Variants in SMIM23 observed in about 807,000 individuals in gnomAD.
SMIM23 encodes the protein small integral membrane protein 23, also known as CTB-78H18.1.
Under a neutral mutation model 12.8 loss-of-function variants are expected in SMIM23, and 10 were observed. The observed-to-expected ratio is 0.78, with a 90% CI of 0.48 to 1.32. SMIM23 has a LOEUF of 1.32. Among genes scored for constraint, SMIM23 ranks in the 40% most tolerant of loss-of-function variants. The probability of loss-of-function intolerance (pLI) is 0.00; values close to 1 mark genes in which losing one functional copy is unlikely to be tolerated. For missense variants in SMIM23, 184 were observed against 198.2 expected (o/e 0.93, Z 0.43); for synonymous variants, 78 against 80.1 (o/e 0.97, Z 0.14).
chr5:171,785,401 GTT>G (rs113319310), upstream of SMIM23, among the ~76,000 whole-genome samples: 33 of 136,522 alleles, frequency 2.4e-4, no homozygotes, highest in African/African-American at 6.7e-4. Flanking sequence ...AGCTTTTATT[GTT>G]TTTTTTTTTT....
At chr5:171,777,230 CTAGAACAATAACAGCGGAATACT>C in the SMIM23 span, among the ~76,000 whole-genome samples, 1 of 152,200 alleles carries the variant, frequency 6.6e-6, no homozygotes, top group Admixed American at 6.5e-5. Context: ...CAGGAGGTGC[CTAGAACAATAACAGCGGAATACT>C]TGGCATGTTA....
At chr5:171,775,208 C>T in the SMIM23 span, among the ~76,000 whole-genome samples, 2 of 152,320 alleles carry the variant, frequency 1.3e-5, no homozygotes, top group African/African-American at 2.4e-5. Context: ...CTTCCCATCC[C>T]GTGGGCCCTT....
chr5:171,782,502 A>G (rs1251087101), upstream of SMIM23: 2 of 152,238 alleles, frequency 1.3e-5, no homozygotes, highest in African/African-American at 4.8e-5. Flanking sequence ...TAGATGAAAT[A>G]ACGTGTGGAA....
chr5:171,787,004 C>CTTT lies in SMIM23; in HGVS notation c.105+1058_105+1060dup, dbSNP rs202159150. Among the ~76,000 whole-genome samples, 136 of 71,264 alleles carry CTTT rather than the reference C, an allele frequency of 1.9e-3. 10 individuals are homozygous for CTTT. The highest frequency in any genetic ancestry group is 5.5e-3 in the African/African-American group (112 of 20,338). The allele number at this position is 71,264 out of a possible 152,430, so 46.8% of individuals were successfully genotyped here. A position where few individuals can be genotyped will look rare whatever the true frequency, so the allele number is the denominator to read the frequency against. On this transcript the variant is annotated intron_variant, in intron 1 of 3. Transcript: ENST00000523047. ...GATTCTACCAGAGTCCCATTGTTTC[C>CTTT]TTTTTTTTTTTTTTTTTTTTTTTTT... is the stretch of plus-strand genomic sequence containing the variant.
In SMIM23 at chr5:171,791,057, T is replaced by C. The variant is rs2113655587; in HGVS notation, c.488T>C (p.Leu163Pro). 3 of 1,521,860 alleles carry C rather than the reference T, an allele frequency of 2.0e-6. No individual in the cohort carries two copies. The highest frequency in any genetic ancestry group is 2.6e-6 in the Non-Finnish European group (3 of 1,140,106). The allele number at this position is 1,521,860 out of a possible 1,614,324, so 94.3% of individuals were successfully genotyped here. ...GAGCACAAAGGTGGGGAGGGGTTGC[T>C]AGAGATTTCTCTAAGCGGGGCAGAG... ...GREHKGGEGL[L>P]EISLSGAEL Residue 163 changes from leucine (L) to proline (P), a missense_variant, in exon 4 of 4, where the codon CTA (leucine) becomes CCA (proline). Coordinates refer to ENST00000523047, the MANE Select transcript of SMIM23 (RefSeq NM_001289970.2).
At chr5:171,782,912 G>A (rs1581071586), upstream of SMIM23, among the ~76,000 whole-genome samples, 4 of 152,276 alleles carry the variant, frequency 2.6e-5, no homozygotes, top group Admixed American at 2.0e-4. Context: ...CTAGTGTATA[G>A]CCGGCCTCCG....
Position 171,785,865 on chromosome 5 carries a change from T to C in SMIM23, c.-7T>C, listed in dbSNP as rs1376979216. The C allele has an allele frequency of 6.5e-7, 1 of 1,535,698 alleles. No homozygotes were observed. The highest frequency in any genetic ancestry group is 1.2e-5 in the South Asian group (1 of 84,046). ...TGTGGTCCACCCAGGCAGCCAGATC[T>C]GAGGCCATGGCAACCCAGCAAGTGG... On this transcript the variant is annotated 5_prime_UTR_variant, in exon 1 of 4. Coordinates refer to ENST00000523047, the MANE Select transcript of SMIM23 (RefSeq NM_001289970.2).
upstream of SMIM23, among the ~76,000 whole-genome samples, chr5:171,785,391 A>G (rs967444127): frequency 4.0e-5 from 6 of 151,270 alleles, no homozygotes; most frequent in Admixed American, 6.6e-5. Context: ...AATTAAAAAT[A>G]GCTTTTATTG....
chr5:171,790,941 G>T lies in SMIM23; in HGVS notation c.372G>T (p.Trp124Cys). ...AGCTAGCGTGGGACCTGGAACTGTG[G>T]CTGGATGCTCTTCTGGGAGAGCCAC... ...LEQLAWDLEL[W>C]LDALLGEPHQ... Residue 124 changes from tryptophan (W) to cysteine (C), a missense_variant, in exon 4 of 4, where the codon TGG becomes TGT. Transcript: ENST00000523047. 1 of 1,536,092 alleles carries T rather than the reference G, an allele frequency of 6.5e-7. No homozygotes were observed. Among genetic ancestry groups the T allele is most frequent in the Non-Finnish European group, 8.7e-7 (1 of 1,146,912 alleles).
the SMIM23 span, chr5:171,774,191 T>C: frequency 0.09 from 32,351 of 357,482 alleles, 1,702 homozygotes; most frequent in Non-Finnish European, 0.1. Context: ...CACCTGGTTG[T>C]TGCGATTGCT....
intron 1 of SMIM23, among the ~76,000 whole-genome samples, 163 bp downstream of exon 1, chr5:171,786,139 G>A (rs185340967): frequency 1.1e-4 from 17 of 152,292 alleles, no homozygotes; most frequent in African/African-American, 4.1e-4. Flanking sequence ...ACTTCTTGCC[G>A]GGGCCATCAC....
chr5:171,776,467 GC>G, the SMIM23 span, among the ~76,000 whole-genome samples: 1 of 152,112 alleles, frequency 6.6e-6, no homozygotes, highest in Admixed American at 6.5e-5. Flanking sequence ...CATTCTGTCT[GC>G]CAAAAACCCC....
At chr5:171,781,065 C>T (rs920549166), upstream of SMIM23, among the ~76,000 whole-genome samples, 3 of 152,148 alleles carry the variant, frequency 2.0e-5, no homozygotes, top group African/African-American at 7.2e-5. Flanking sequence ...TTGCACAATG[C>T]CCAGTACTTA....
upstream of SMIM23, among the ~76,000 whole-genome samples, chr5:171,777,991 T>A (rs573090528): frequency 6.6e-6 from 1 of 152,240 alleles, no homozygotes; most frequent in South Asian, 2.1e-4. Flanking sequence ...CACATCCTAA[T>A]CCCTTGAACC....
chr5:171,782,581 C>G (rs1361269873), upstream of SMIM23: 1 of 152,222 alleles, frequency 6.6e-6, no homozygotes, highest in East Asian at 1.9e-4. Flanking sequence ...CGATACCCTT[C>G]CCTAGCCACC....
At chr5:171,785,177 CAAAT>C (rs1755791530), upstream of SMIM23, among the ~76,000 whole-genome samples, 1 of 151,972 alleles carries the variant, frequency 6.6e-6, no homozygotes, top group Admixed American at 6.6e-5. Flanking sequence ...CACACACACA[CAAAT>C]GAGAACAAGT....
At chr5:171,783,562 T>C (rs1442553007), upstream of SMIM23, among the ~76,000 whole-genome samples, 3 of 152,100 alleles carry the variant, frequency 2.0e-5, no homozygotes, top group African/African-American at 7.2e-5. Context: ...TGATTCCAAA[T>C]GAATCATGGG....
intron 1 of SMIM23, among the ~76,000 whole-genome samples, chr5:171,786,274 C>A (rs1755815655): frequency 6.6e-6 from 1 of 152,168 alleles, no homozygotes; most frequent in African/African-American, 2.4e-5. Context: ...CAAGTAGATG[C>A]TGAATGAACG....
chr5:171,779,334 G>A (rs953610279), upstream of SMIM23, among the ~76,000 whole-genome samples: 6 of 152,132 alleles, frequency 3.9e-5, no homozygotes, highest in South Asian at 2.1e-4. Context: ...ATGCCCTTTC[G>A]TTTCACACCC....
Sources: gnomAD v4.1 joint callset for allele counts (sites outside exome capture counted in the v4.1 genomes callset) on GRCh38, gnomAD v4.1.1 for gene constraint, MANE v1.5 for transcripts, NCBI Gene and HGNC (gene_info 2026-07-23, HGNC 2026-07-21) for gene names.